Variants in STK4 observed in about 807,000 individuals in gnomAD.
STK4 encodes the protein serine/threonine-protein kinase 4.
A neutral mutation model predicts 64.9 loss-of-function variants in STK4; 30 were observed. That is an observed-to-expected ratio of 0.46 (90% CI 0.35 to 0.63). The LOEUF (loss-of-function observed/expected upper bound fraction) is 0.63. Among genes scored for constraint, STK4 ranks in the 20% least tolerant of loss-of-function variants. The pLI is 0.01. For missense variants in STK4, 466 were observed against 598.5 expected (o/e 0.78, Z 2.31); for synonymous variants, 177 against 199.0 (o/e 0.89, Z 0.93).
At chr20:44,992,150 T>C (rs970426834) in intron 5 of STK4, among the ~76,000 whole-genome samples, 13 of 152,062 alleles carry the variant, frequency 8.5e-5, no homozygotes, top group Admixed American at 4.6e-4. Context: ...AAAATCCATC[T>C]ACCTTTTATC....
intron 10 of STK4, among the ~76,000 whole-genome samples, chr20:45,034,049 CA>C (rs1421902499): frequency 1.3e-5 from 2 of 151,868 alleles, no homozygotes; most frequent in Non-Finnish European, 2.9e-5. Flanking sequence ...AAATTATAAA[CA>C]ATTTAGAAAT....
intron 5 of STK4, 69 bp downstream of exon 5, chr20:44,987,365 C>A: frequency 7.0e-7 from 1 of 1,430,732 alleles, no homozygotes; most frequent in Non-Finnish European, 9.5e-7. Flanking sequence ...TTTTATTTAC[C>A]TATTTTTAAA....
chr20:45,007,059 G>T (rs1010819935), intron 9 of STK4, among the ~76,000 whole-genome samples: 2 of 152,014 alleles, frequency 1.3e-5, no homozygotes, highest in African/African-American at 4.8e-5. Flanking sequence ...TTGTTTGTTT[G>T]TTTGTTTTTT....
rs1209400208 is a variant in STK4 at position 45,075,687 on chromosome 20, TA to T, written c.*512del. On this transcript the variant is annotated 3_prime_UTR_variant, in exon 11 of 11. Coordinates refer to ENST00000372806, the MANE Select transcript of STK4 (RefSeq NM_006282.5). Reference sequence around the variant, plus strand: ...AGGGCAGAGGACACCGGGAGGCTGTTAGGGGGTCACTGAATCCCAGGAGCCA... The same window carrying T: ...AGGGCAGAGGACACCGGGAGGCTGTTGGGGGTCACTGAATCCCAGGAGCCA... 6.5e-6 allele frequency: 1 copy of T among 152,794 alleles called. No individual in the cohort carries two copies. Among genetic ancestry groups the T allele is most frequent in the African/African-American group, 2.4e-5 (1 of 41,442 alleles). The allele number at this position is 152,794 out of a possible 1,614,324, so 9.5% of individuals were successfully genotyped here.
intron 10 of STK4, among the ~76,000 whole-genome samples, chr20:45,048,571 T>C (rs2068730486): frequency 6.6e-6 from 1 of 151,966 alleles, no homozygotes; most frequent in South Asian, 2.1e-4. Context: ...AGTGGCGTGG[T>C]CTTGGCTCAC....
chr20:45,066,603 C>T (rs1425371636), intron 10 of STK4, among the ~76,000 whole-genome samples: 1 of 152,112 alleles, frequency 6.6e-6, no homozygotes, highest in Non-Finnish European at 1.5e-5. Flanking sequence ...TTCCAGTCTT[C>T]TTGGTAAATA....
chr20:45,067,143 C>G (rs1457613283), intron 10 of STK4, among the ~76,000 whole-genome samples: 1 of 152,038 alleles, frequency 6.6e-6, no homozygotes, highest in East Asian at 1.9e-4. Flanking sequence ...TCCGGACTTT[C>G]TAGTGGCCAG....
chr20:44,990,410 A>C (rs1179815124), intron 5 of STK4, among the ~76,000 whole-genome samples: 1 of 146,398 alleles, frequency 6.8e-6, no homozygotes, highest in South Asian at 2.1e-4. Context: ...TTTTTTTTTT[A>C]AATTAACTGT....
chr20:45,038,768 A>G (rs535979896), intron 10 of STK4, among the ~76,000 whole-genome samples: 1 of 152,072 alleles, frequency 6.6e-6, no homozygotes, highest in Admixed American at 6.6e-5. Flanking sequence ...AGAAATTAAA[A>G]CTCAAAAAAT....
chr20:45,055,398 T>A (rs1439309500), intron 10 of STK4, among the ~76,000 whole-genome samples: 3 of 152,240 alleles, frequency 2.0e-5, no homozygotes, highest in Non-Finnish European at 4.4e-5. Flanking sequence ...CATGCACATT[T>A]AAAAATTTAT....
At position 45,075,673 on chromosome 20, in the gene STK4, C is replaced by G. The variant is rs1980458402; in HGVS notation, c.*497C>G. The G allele has an allele frequency of 6.5e-6, 1 of 152,838 alleles. No individual in the cohort carries two copies. The highest frequency in any genetic ancestry group is 2.4e-5 in the African/African-American group (1 of 41,432). The allele number at this position is 152,838 out of a possible 1,614,324, so 9.5% of individuals were successfully genotyped here. On this transcript the variant is annotated 3_prime_UTR_variant, in exon 11 of 11. Transcript: ENST00000372806. ...TACTGTGGAACATGAGGGCAGAGGA[C>G]ACCGGGAGGCTGTTAGGGGGTCACT...
intron 6 of STK4, 22 bp from the exon 7 acceptor site, chr20:44,997,147 T>G (rs555276281): frequency 1.2e-6 from 2 of 1,612,518 alleles, no homozygotes; most frequent in East Asian, 2.2e-5. Context: ...GATCTTTTTG[T>G]TTGTTTGTTT....
At position 45,063,974 on chromosome 20, in the gene STK4, A is replaced by T. The variant is rs535932677; in HGVS notation, c.1306-11044A>T. 1.4e-4 allele frequency among the ~76,000 whole-genome samples: 21 copies of T among 152,024 alleles called. No individual in the cohort carries two copies. The South Asian group carries it at 4.2e-3, about 30-fold the overall frequency. On this transcript the variant is annotated intron_variant, in intron 10 of 10. Coordinates refer to ENST00000372806, the MANE Select transcript of STK4 (RefSeq NM_006282.5). ...AGGCGCCCGCCACTATGCCCGGCTA[A>T]TTTTTTGTATGTTTTAGGAGAGACG... is the stretch of plus-strand genomic sequence containing the variant.
At chr20:45,025,997 T>C (rs983780755) in intron 10 of STK4, among the ~76,000 whole-genome samples, 2 of 152,180 alleles carry the variant, frequency 1.3e-5, no homozygotes, top group Non-Finnish European at 2.9e-5. Context: ...TTTATACAAC[T>C]AATGGTAGAG....
At chr20:45,060,804 C>T (rs1213618145) in intron 10 of STK4, among the ~76,000 whole-genome samples, 1 of 152,180 alleles carries the variant, frequency 6.6e-6, no homozygotes. Context: ...CACTAATACC[C>T]TAGACTGTAG....
In STK4 at chr20:45,031,324, A is replaced by G. The variant is rs577985140; in HGVS notation, c.1305+6194A>G. 2.2e-4 allele frequency among the ~76,000 whole-genome samples: 33 copies of G among 152,268 alleles called. No homozygotes were observed. In the Middle Eastern group the frequency reaches 0.01, roughly 47 times the overall value. On this transcript the variant is annotated intron_variant, in intron 10 of 10. Transcript: ENST00000372806. The stretch of plus-strand genomic sequence containing the variant: ...ACAGAGACTGTGAGGCAAGACATAG[A>G]CTATGTGTAAGGAAGGAAAGGAGTC...
At chr20:45,047,666 G>GT (rs1450031628) in intron 10 of STK4, among the ~76,000 whole-genome samples, 2 of 152,224 alleles carry the variant, frequency 1.3e-5, no homozygotes, top group Non-Finnish European at 2.9e-5. Flanking sequence ...TAAAACTGTA[G>GT]TAAAAAACAT....
At chr20:44,978,695 ACTG>A in intron 3 of STK4, 124 bp downstream of exon 3, 1 of 1,117,532 alleles carries the variant, frequency 8.9e-7, no homozygotes, top group Admixed American at 3.0e-5. Flanking sequence ...CGATGGAATC[ACTG>A]TGCATTTTCT....
At chr20:44,999,723 G>A (rs1159543038) in intron 7 of STK4, among the ~76,000 whole-genome samples, 3 of 152,138 alleles carry the variant, frequency 2.0e-5, no homozygotes, top group South Asian at 4.1e-4. Context: ...TATATGATCA[G>A]TTTTAGTATG....
Sources: allele counts gnomAD v4.1 joint callset (sites outside exome capture counted in the v4.1 genomes callset), GRCh38; gene constraint gnomAD v4.1.1; transcripts MANE v1.5; gene names NCBI Gene and HGNC (gene_info 2026-07-23, HGNC 2026-07-21).